The following SGMS1 variants were observed in gnomAD, a reference collection of about 807,000 sequenced individuals.
SGMS1 encodes phosphatidylcholine:ceramide cholinephosphotransferase 1.
Under a neutral mutation model 46.2 loss-of-function variants are expected in SGMS1, and 13 were observed. The observed-to-expected ratio is 0.28, with a 90% CI of 0.18 to 0.45. The LOEUF is 0.45. Among genes scored for constraint, SGMS1 ranks in the 20% least tolerant of loss-of-function variants. SGMS1 has a pLI of 1.00. For synonymous variants in SGMS1, 203 were observed against 187.8 expected, an observed-to-expected ratio of 1.08 and a Z score of -0.66; for missense variants, 324 against 519.9, an observed-to-expected ratio of 0.62 and a Z score of 3.66.
At chr10:50,573,272 T>A (rs1174481664) in intron 2 of SGMS1, among the ~76,000 whole-genome samples, 1 of 152,176 alleles carries the variant, frequency 6.6e-6, no homozygotes, top group African/African-American at 2.4e-5. Flanking sequence ...AGGTATCCAA[T>A]GTAAAACTAT....
intron 2 of SGMS1, among the ~76,000 whole-genome samples, chr10:50,578,634 G>A (rs558595171): frequency 6.6e-6 from 1 of 152,114 alleles, no homozygotes; most frequent in East Asian, 1.9e-4. Context: ...AGAACACCAA[G>A]CTAATGCTCA....
chr10:50,500,777 C>G (rs1167780215), intron 3 of SGMS1, among the ~76,000 whole-genome samples: 2 of 152,182 alleles, frequency 1.3e-5, no homozygotes, highest in African/African-American at 4.8e-5. Context: ...TTTCTTCCAT[C>G]CACCCAGAGA....
intron 2 of SGMS1, among the ~76,000 whole-genome samples, chr10:50,537,841 C>G (rs1838017130): frequency 2.0e-5 from 3 of 152,116 alleles, no homozygotes; most frequent in Admixed American, 2.0e-4. Flanking sequence ...AGAGTGACAC[C>G]TTCACTGTGA....
chr10:50,624,791 C>T, upstream of SGMS1: 5 of 986,438 alleles, frequency 5.1e-6, no homozygotes, highest in Non-Finnish European at 6.0e-6. Flanking sequence ...CCTTCCCGCC[C>T]CGATGCCCGC....
At chr10:50,561,367 G>A (rs1211464624) in intron 2 of SGMS1, among the ~76,000 whole-genome samples, 1 of 152,208 alleles carries the variant, frequency 6.6e-6, no homozygotes, top group Non-Finnish European at 1.5e-5. Context: ...TCAACTGGCA[G>A]AGCATGAATG....
At chr10:50,396,515 A>C (rs1287655236) in intron 6 of SGMS1, among the ~76,000 whole-genome samples, 1 of 152,220 alleles carries the variant, frequency 6.6e-6, no homozygotes, top group Non-Finnish European at 1.5e-5. Context: ...GGAACATGTT[A>C]ATCTTAAGAC....
intron 6 of SGMS1, among the ~76,000 whole-genome samples, chr10:50,400,439 A>G (rs1848918371): frequency 1.8e-5 from 1 of 56,596 alleles, no homozygotes; most frequent in Non-Finnish European, 3.6e-5. Context: ...ATATATATAT[A>G]TATATATATA....
chr10:50,321,342 T>C (rs755674222), intron 8 of SGMS1, among the ~76,000 whole-genome samples: 4 of 152,222 alleles, frequency 2.6e-5, no homozygotes, highest in Admixed American at 6.5e-5. Context: ...TCTTCCTCTT[T>C]TTGTAGTCTT....
intron 6 of SGMS1, among the ~76,000 whole-genome samples, chr10:50,409,390 T>C (rs1234856034): frequency 6.6e-6 from 1 of 152,242 alleles, no homozygotes; most frequent in Non-Finnish European, 1.5e-5. Context: ...TCGCTGGATA[T>C]AATCCCATTT....
chr10:50,380,585 G>A (rs1184053100), intron 6 of SGMS1, among the ~76,000 whole-genome samples: 1 of 152,008 alleles, frequency 6.6e-6, no homozygotes, highest in Non-Finnish European at 1.5e-5. Flanking sequence ...GTACAGAAAC[G>A]TCCATGCCAC....
At chr10:50,424,912 CAA>C (rs55683387) in intron 6 of SGMS1, among the ~76,000 whole-genome samples, 7 of 52,144 alleles carry the variant, frequency 1.3e-4, no homozygotes, top group Middle Eastern at 0.011. Flanking sequence ...AACTCCGTCT[CAA>C]AAAAAAAAAA....
chr10:50,596,298 TC>T (rs1002915635), intron 1 of SGMS1, among the ~76,000 whole-genome samples: 2 of 151,534 alleles, frequency 1.3e-5, no homozygotes, highest in African/African-American at 4.9e-5. Context: ...TGCCTCAGCC[TC>T]CCGAATAGCT....
At chr10:50,377,406 C>A (rs1848536317) in intron 6 of SGMS1, among the ~76,000 whole-genome samples, 1 of 152,162 alleles carries the variant, frequency 6.6e-6, no homozygotes, top group Admixed American at 6.5e-5. Flanking sequence ...TCTTAGAGGG[C>A]CCATCTCTCA....
chr10:50,405,081 C>T (rs561805584), intron 6 of SGMS1, among the ~76,000 whole-genome samples: 4 of 151,906 alleles, frequency 2.6e-5, no homozygotes, highest in African/African-American at 9.7e-5. Context: ...AATGTAATAA[C>T]AGTTACAGTG....
At chr10:50,431,634 T>C (rs1046761915) in intron 6 of SGMS1, among the ~76,000 whole-genome samples, 3 of 151,976 alleles carry the variant, frequency 2.0e-5, no homozygotes, top group Non-Finnish European at 4.4e-5. Flanking sequence ...AACCTTAAAC[T>C]GCCCAGGTTT....
chr10:50,507,799 A>G (rs1837720376), intron 3 of SGMS1, among the ~76,000 whole-genome samples: 1 of 152,324 alleles, frequency 6.6e-6, no homozygotes, highest in East Asian at 1.9e-4. Flanking sequence ...AGAAGTTCTC[A>G]TGGAGAAGTC....
intron 6 of SGMS1, among the ~76,000 whole-genome samples, chr10:50,347,017 C>A (rs1847924780): frequency 6.6e-6 from 1 of 152,124 alleles, no homozygotes; most frequent in African/African-American, 2.4e-5. Context: ...CATATAACAA[C>A]CAATCAAGTG....
chr10:50,399,770 T>C, intron 6 of SGMS1, among the ~76,000 whole-genome samples: 1 of 152,152 alleles, frequency 6.6e-6, no homozygotes, highest in East Asian at 1.9e-4. Flanking sequence ...GGCTCACACC[T>C]GTAATCCCAG....
At chr10:50,467,236 C>T (rs1041559262) in intron 3 of SGMS1, among the ~76,000 whole-genome samples, 4 of 152,026 alleles carry the variant, frequency 2.6e-5, no homozygotes, top group African/African-American at 4.8e-5. Context: ...AAATTATCTC[C>T]TCTCAATTTA....
Sources: gnomAD v4.1 joint callset for allele counts (sites outside exome capture counted in the v4.1 genomes callset) on GRCh38, gnomAD v4.1.1 for gene constraint, MANE v1.5 for transcripts, NCBI Gene and HGNC (gene_info 2026-07-23, HGNC 2026-07-21) for gene names.